The following RGS6 variants were observed in gnomAD, a reference collection of about 807,000 sequenced individuals.
RGS6 encodes the protein regulator of G-protein signaling 6.
Under a neutral mutation model 78.5 loss-of-function variants are expected in RGS6, and 30 were observed. That is an observed-to-expected ratio of 0.38 (90% confidence interval 0.29 to 0.52). The LOEUF (loss-of-function observed/expected upper bound fraction) is 0.52, where lower values mean the gene tolerates loss of function less well. Ranked by LOEUF, RGS6 falls within the 20% of genes least tolerant of loss-of-function variation. The probability of loss-of-function intolerance (pLI) is 0.85; values close to 1 mark genes in which losing one functional copy is unlikely to be tolerated. For missense variants in RGS6, 495 were observed against 609.7 expected (o/e 0.81, Z 1.98); for synonymous variants, 206 against 206.0 (o/e 1.00, Z 0.00).
chr14:72,345,834 A>G (rs2077932754), intron 2 of RGS6, among the ~76,000 whole-genome samples: 1 of 152,238 alleles, frequency 6.6e-6, no homozygotes, highest in African/African-American at 2.4e-5. Flanking sequence ...GAAAATCGCA[A>G]TGCATTGTGT....
At chr14:72,111,467 AC>A (rs1418481207) in intron 2 of RGS6, among the ~76,000 whole-genome samples, 1 of 152,206 alleles carries the variant, frequency 6.6e-6, no homozygotes, top group African/African-American at 2.4e-5. Flanking sequence ...ATTTCCACTT[AC>A]AAATTACACA....
chr14:72,379,841 A>G (rs994381485), intron 3 of RGS6, among the ~76,000 whole-genome samples: 2 of 152,180 alleles, frequency 1.3e-5, no homozygotes, highest in African/African-American at 4.8e-5. Flanking sequence ...TGGAACCACA[A>G]AAGACCATGA....
chr14:72,442,743 T>G (rs181509933), intron 3 of RGS6, among the ~76,000 whole-genome samples: 1 of 152,308 alleles, frequency 6.6e-6, no homozygotes, highest in East Asian at 1.9e-4. Context: ...GGATGGAAGG[T>G]CACAGAGCTG....
Position 72,153,563 on chromosome 14 carries a change from A to G in RGS6, c.84+188688A>G, listed in dbSNP as rs144032101. ...ATGTAGGTTCTTTCTATTTTCCATAATATCAGCTGGCTGAGAAATAAAGAG... is the reference window on the plus strand; with the variant it reads ...ATGTAGGTTCTTTCTATTTTCCATAGTATCAGCTGGCTGAGAAATAAAGAG... On this transcript the variant is annotated intron_variant, in intron 2 of 17. Transcript: ENST00000553525. Among the ~76,000 whole-genome samples, 1,253 of 152,284 alleles carry G rather than the reference A, an allele frequency of 8.2e-3. 15 individuals are homozygous for G. Among genetic ancestry groups the G allele is most frequent in the African/African-American group, 0.028 (1,180 of 41,554 alleles).
At chr14:71,948,241 C>T (rs181801050) in intron 1 of RGS6, among the ~76,000 whole-genome samples, 88 of 152,284 alleles carry the variant, frequency 5.8e-4, no homozygotes, top group South Asian at 2.1e-3. Flanking sequence ...TTTCTTCCAG[C>T]GTCCTTATCT....
chr14:72,242,449 T>C (rs2053113417), intron 2 of RGS6, among the ~76,000 whole-genome samples: 1 of 152,222 alleles, frequency 6.6e-6, no homozygotes, highest in South Asian at 2.1e-4. Context: ...CACCTTAAAA[T>C]AACCTTTATA....
At chr14:72,045,715 A>C (rs2092780299) in intron 2 of RGS6, among the ~76,000 whole-genome samples, 1 of 152,082 alleles carries the variant, frequency 6.6e-6, no homozygotes, top group East Asian at 1.9e-4. Context: ...AAGAAAAAAA[A>C]AAAAGCTCCC....
At chr14:72,597,194 G>A in the RGS6 span, among the ~76,000 whole-genome samples, 11 of 151,586 alleles carry the variant, frequency 7.3e-5, no homozygotes, top group African/African-American at 1.7e-4. Flanking sequence ...AGCCAAGATC[G>A]TGCCACTGCA....
chr14:71,988,419 A>G (rs1032811410), intron 2 of RGS6, among the ~76,000 whole-genome samples: 1 of 152,094 alleles, frequency 6.6e-6, no homozygotes, highest in Non-Finnish European at 1.5e-5. Flanking sequence ...TGGTTTCTAC[A>G]TTTTGCAATG....
At chr14:72,189,359 A>G (rs1599122984) in intron 2 of RGS6, among the ~76,000 whole-genome samples, 1 of 152,216 alleles carries the variant, frequency 6.6e-6, no homozygotes, top group Non-Finnish European at 1.5e-5. Context: ...ACATTTTTCT[A>G]TGCCTCATGA....
intron 2 of RGS6, among the ~76,000 whole-genome samples, chr14:72,133,592 A>G (rs776636614): frequency 3.3e-5 from 5 of 152,084 alleles, no homozygotes; most frequent in Non-Finnish European, 5.9e-5. Context: ...TCAAAACTCT[A>G]TGCCTTATAC....
At chr14:72,182,226 G>A (rs1355231301) in intron 2 of RGS6, among the ~76,000 whole-genome samples, 1 of 151,990 alleles carries the variant, frequency 6.6e-6, no homozygotes, top group Non-Finnish European at 1.5e-5. Flanking sequence ...TGGCTAACAT[G>A]GTGAAACCCC....
chr14:72,492,570 A>T (rs1390113153), intron 12 of RGS6, among the ~76,000 whole-genome samples: 1 of 152,138 alleles, frequency 6.6e-6, no homozygotes, highest in Non-Finnish European at 1.5e-5. Flanking sequence ...AGAAAAAGGG[A>T]TGGGAGACGG....
At chr14:72,361,059 C>T (rs563103650) in intron 3 of RGS6, among the ~76,000 whole-genome samples, 46 of 149,068 alleles carry the variant, frequency 3.1e-4, no homozygotes, top group African/African-American at 1.0e-3. Flanking sequence ...CCTAGCCATA[C>T]GGAACTGTGA....
chr14:72,389,973 A>G (rs2089476576), intron 3 of RGS6, among the ~76,000 whole-genome samples: 1 of 152,178 alleles, frequency 6.6e-6, no homozygotes, highest in Non-Finnish European at 1.5e-5. Flanking sequence ...TTAAAGACTC[A>G]AAACAGATGG....
chr14:72,267,526 C>A (rs77315452), intron 2 of RGS6, among the ~76,000 whole-genome samples: 1 of 152,020 alleles, frequency 6.6e-6, no homozygotes, highest in Non-Finnish European at 1.5e-5. Flanking sequence ...CTGTTCTTGC[C>A]AAAGACCAAA....
At chr14:71,963,141 C>T (rs780906237) in intron 1 of RGS6, among the ~76,000 whole-genome samples, 19 of 152,140 alleles carry the variant, frequency 1.2e-4, no homozygotes, top group Non-Finnish European at 2.8e-4. Context: ...CTTGGCATGA[C>T]TCAGAGCATA....
At chr14:72,526,813 C>A (rs1255319473) in intron 15 of RGS6, among the ~76,000 whole-genome samples, 2 of 152,206 alleles carry the variant, frequency 1.3e-5, no homozygotes, top group African/African-American at 2.4e-5. Context: ...TCTGTTGCCT[C>A]TTCTATGTTT....
At chr14:72,375,631 C>T (rs745320729) in intron 3 of RGS6, among the ~76,000 whole-genome samples, 1 of 152,210 alleles carries the variant, frequency 6.6e-6, no homozygotes, top group Non-Finnish European at 1.5e-5. Flanking sequence ...GAAAGCTGAC[C>T]CACTGTGTGC....
Sources: allele counts gnomAD v4.1 joint callset (sites outside exome capture counted in the v4.1 genomes callset), GRCh38; gene constraint gnomAD v4.1.1; transcripts MANE v1.5; gene names NCBI Gene and HGNC (gene_info 2026-07-23, HGNC 2026-07-21).